Variants in RNF157 observed in about 807,000 individuals in gnomAD.
RNF157 encodes E3 ubiquitin ligase RNF157.
A neutral mutation model predicts 88.3 loss-of-function variants in RNF157; 55 were observed. That is an observed-to-expected ratio of 0.62 (90% CI 0.50 to 0.78). The LOEUF is 0.78. RNF157 is among the 30% of genes least tolerant of loss of function. RNF157 has a pLI of 0.00. For missense variants in RNF157, 788 were observed against 860.8 expected (o/e 0.92, Z 1.06); for synonymous variants, 334 against 341.2 (o/e 0.98, Z 0.23).
In RNF157 at chr17:76,215,147, T is replaced by G. The variant is rs139137052; in HGVS notation, c.89-2665A>C. On this transcript the variant is annotated intron_variant, in intron 1 of 18. Transcript: ENST00000269391. ...TCCCTAAATCAGTTGCAATTTTTGT[T>G]GAAGATTTGTAGCAGGCAGGGTGTG... 4.7e-3 allele frequency among the ~76,000 whole-genome samples: 720 copies of G among 152,162 alleles called. 3 individuals are homozygous for G. Among genetic ancestry groups the G allele is most frequent in the Admixed American group, 0.01 (155 of 15,280 alleles).
intron 2 of RNF157, among the ~76,000 whole-genome samples, chr17:76,192,788 A>G (rs2069408051): frequency 6.6e-6 from 1 of 151,798 alleles, no homozygotes; most frequent in Non-Finnish European, 1.5e-5. Flanking sequence ...AACAAGTATG[A>G]TATCAACAGC....
chr17:76,236,570 A>AAATG lies in RNF157; in HGVS notation c.88+3579_88+3582dup, dbSNP rs1217912458. Among the ~76,000 whole-genome samples the AAATG allele has an allele frequency of 5.3e-5, 8 of 152,366 alleles. No homozygotes were observed. In the East Asian group the frequency reaches 1.5e-3, roughly 29 times the overall value. On this transcript the variant is annotated intron_variant, in intron 1 of 18. Coordinates refer to ENST00000269391, the MANE Select transcript of RNF157 (RefSeq NM_052916.3). The stretch of plus-strand genomic sequence containing the variant: ...TAAATTGCTTTCTATGCTAATGTAG[A>AAATG]AATGCTATACAGAAACTCCCACCAT...
chr17:76,190,025 C>T (rs894041755), intron 2 of RNF157, among the ~76,000 whole-genome samples: 6 of 152,168 alleles, frequency 3.9e-5, no homozygotes, highest in African/African-American at 1.4e-4. Context: ...CGCAGAGTCC[C>T]AGCCCCAGTG....
intron 2 of RNF157, among the ~76,000 whole-genome samples, chr17:76,201,340 AG>A: frequency 6.7e-6 from 1 of 148,558 alleles, no homozygotes; most frequent in African/African-American, 2.5e-5. Flanking sequence ...AAAAAAAAAA[AG>A]AGAAAAAGAA....
intron 2 of RNF157, among the ~76,000 whole-genome samples, chr17:76,190,790 C>G (rs1314188344): frequency 6.6e-6 from 1 of 151,084 alleles, no homozygotes; most frequent in Non-Finnish European, 1.5e-5. Context: ...GCCCTGTAGT[C>G]CCAGCTACTC....
chr17:76,153,086 A>C (rs1281311390), intron 17 of RNF157: 1 of 151,830 alleles, frequency 6.6e-6, no homozygotes, highest in African/African-American at 2.4e-5. Flanking sequence ...AAAAGTTTTA[A>C]AAGTTGTTTT....
chr17:76,214,143 G>A (rs1374350277), intron 1 of RNF157, among the ~76,000 whole-genome samples: 1 of 152,140 alleles, frequency 6.6e-6, no homozygotes, highest in Non-Finnish European at 1.5e-5. Flanking sequence ...ATCAGAAGTG[G>A]GGGGCAGTCT....
In RNF157 at chr17:76,146,599, C is replaced by T. The variant is rs573239685; in HGVS notation, c.1922-1246G>A. 71 of 985,470 alleles carry T rather than the reference C, an allele frequency of 7.2e-5. No homozygotes were observed. The highest frequency in any genetic ancestry group is 1.0e-3 in the Middle Eastern group (2 of 1,914). 61.0% of individuals were successfully genotyped at this position (985,470 alleles called of 1,614,324 possible). On this transcript the variant is annotated intron_variant, in intron 18 of 18. Coordinates refer to ENST00000269391, the MANE Select transcript of RNF157 (RefSeq NM_052916.3). This position sits in a 1 kb window ranked among gnomAD's most constrained non-coding sequence, Gnocchi z 4.2. ...CGTGTCTCCCAGTGGCCTCCCCTCA[C>T]GAGGCATCTCTGGCCGGGGGAGGCC...
rs2069495071 is a variant in RNF157 at position 76,197,333 on chromosome 17, G to T, written c.207+15031C>A. 2.0e-5 allele frequency among the ~76,000 whole-genome samples: 3 copies of T among 152,158 alleles called. No individual in the cohort carries two copies. The South Asian group carries it at 6.2e-4, about 32-fold the overall frequency. ...TAAGAGGACTGTTTCATTGAAAAGA[G>T]AAAATGAGTTTCAGGTATAGCAATC... On this transcript the variant is annotated intron_variant, in intron 2 of 18. Coordinates refer to ENST00000269391, the MANE Select transcript of RNF157 (RefSeq NM_052916.3).
In RNF157 at chr17:76,173,862, T is replaced by C. The variant is rs76763466; in HGVS notation, c.208-72A>G. On this transcript the variant is annotated intron_variant, in intron 2 of 18. Coordinates refer to ENST00000269391, the MANE Select transcript of RNF157 (RefSeq NM_052916.3). ...CACAGCTGTCCCTCGCTTTACAGTT[T>C]GCCAAGAATAGCCCTAAGAGGTGAG... The C allele has an allele frequency of 5.7e-4, 746 of 1,309,190 alleles. 7 individuals carry two copies. In the African/African-American group the frequency reaches 9.7e-3, roughly 17 times the overall value. The allele number at this position is 1,309,190 out of a possible 1,614,324, so 81.1% of individuals were successfully genotyped here.
intron 2 of RNF157, among the ~76,000 whole-genome samples, chr17:76,177,219 C>T (rs1049056331): frequency 1.3e-5 from 2 of 151,988 alleles, no homozygotes; most frequent in Non-Finnish European, 2.9e-5. Context: ...TCCACAGAGC[C>T]GGTGGAAGCC....
rs1424726240 is a variant in RNF157 at position 76,146,474 on chromosome 17, G to A, written c.1922-1121C>T. ...GCCCTCCCTCCAGTGAGGCTAGGGCGCTCCTGCCTTGGGCCTCGGCTGCCT... is the reference window on the plus strand; with the variant it reads ...GCCCTCCCTCCAGTGAGGCTAGGGCACTCCTGCCTTGGGCCTCGGCTGCCT... On this transcript the variant is annotated intron_variant, in intron 18 of 18. Transcript: ENST00000269391. This position sits in a 1 kb window ranked among gnomAD's most constrained non-coding sequence, Gnocchi z 4.2. The A allele has an allele frequency of 1.0e-6, 1 of 985,682 alleles. No homozygotes were observed. Among genetic ancestry groups the A allele is most frequent in the Non-Finnish European group, 1.2e-6 (1 of 830,142 alleles). The allele number at this position is 985,682 out of a possible 1,614,324, so 61.1% of individuals were successfully genotyped here.
At chr17:76,193,435 G>A (rs1279925357) in intron 2 of RNF157, among the ~76,000 whole-genome samples, 1 of 152,168 alleles carries the variant, frequency 6.6e-6, no homozygotes, top group Non-Finnish European at 1.5e-5. Context: ...AGCACTTGAA[G>A]TAAATACAGT....
intron 13 of RNF157, among the ~76,000 whole-genome samples, chr17:76,156,864 A>G (rs1353807836): frequency 6.6e-6 from 1 of 152,088 alleles, no homozygotes; most frequent in Non-Finnish European, 1.5e-5. Flanking sequence ...TCACCCGTCC[A>G]AGATGGATGC....
Position 76,198,959 on chromosome 17 carries a change from C to A in RNF157, c.207+13405G>T, listed in dbSNP as rs927568332. On this transcript the variant is annotated intron_variant, in intron 2 of 18. Transcript: ENST00000269391. ...TGTCTCTGTGCCTCTGCTCATGGGC[C>A]CTCCTCCGACGTGTTCATGTTTCCT... Among the ~76,000 whole-genome samples the A allele has an allele frequency of 9.2e-5, 14 of 152,310 alleles. No individual in the cohort carries two copies. In the South Asian group the frequency reaches 2.7e-3, roughly 29 times the overall value.
intron 1 of RNF157, among the ~76,000 whole-genome samples, chr17:76,223,652 A>G (rs1256324706): frequency 6.6e-6 from 1 of 152,248 alleles, no homozygotes; most frequent in Non-Finnish European, 1.5e-5. Context: ...CTTAGTCTCA[A>G]AAACATTTTG....
At chr17:76,156,525 C>T (rs2068767393) in intron 13 of RNF157, 3 of 985,206 alleles carry the variant, frequency 3.0e-6, no homozygotes, top group East Asian at 2.3e-4. Context: ...AGGGGAGGCG[C>T]ACACTTCAGT....
At chr17:76,221,267 C>T (rs1289643786) in intron 1 of RNF157, among the ~76,000 whole-genome samples, 1 of 152,072 alleles carries the variant, frequency 6.6e-6, no homozygotes, top group Non-Finnish European at 1.5e-5. Flanking sequence ...AAAAAGACAA[C>T]CAGATACACG....
chr17:76,158,683 G>A (rs182866842), intron 12 of RNF157, among the ~76,000 whole-genome samples, 182 bp from the exon 13 acceptor site: 8 of 152,290 alleles, frequency 5.3e-5, no homozygotes, highest in Middle Eastern at 3.4e-3. Context: ...TCTTGTTGAC[G>A]CTTTAACAGA....
Sources: gnomAD v4.1 joint callset for allele counts (sites outside exome capture counted in the v4.1 genomes callset) on GRCh38, gnomAD v4.1.1 for gene constraint, Gnocchi (gnomAD v3.1) non-coding constraint, MANE v1.5 for transcripts, NCBI Gene and HGNC (gene_info 2026-07-23, HGNC 2026-07-21) for gene names.